CNTN4: variants seen among roughly 807,000 people sequenced by gnomAD.
CNTN4 encodes the protein contactin-4.
A neutral mutation model predicts 122.5 loss-of-function variants in CNTN4; 77 were observed. The observed-to-expected ratio is 0.63, with a 90% CI of 0.52 to 0.76. The LOEUF is 0.76. CNTN4 is among the 30% of genes least tolerant of loss of function. CNTN4 has a pLI of 0.00. For synonymous variants in CNTN4, 512 were observed against 447.0 expected (o/e 1.15, Z -1.83); for missense variants, 1,256 against 1,259.1 (o/e 1.00, Z 0.04).
intron 2 of CNTN4, among the ~76,000 whole-genome samples, chr3:2,220,827 G>A (rs965087577): frequency 3.3e-5 from 5 of 151,900 alleles, no homozygotes; most frequent in African/African-American, 9.7e-5. Flanking sequence ...TTTTTACTCA[G>A]GATACATCTT....
chr3:2,481,796 C>T (rs1331698584), intron 3 of CNTN4, among the ~76,000 whole-genome samples: 1 of 152,058 alleles, frequency 6.6e-6, no homozygotes, highest in Non-Finnish European at 1.5e-5. Context: ...GTTTTATAAG[C>T]AACTGGCATT....
At chr3:2,294,800 T>C (rs946123103) in intron 2 of CNTN4, among the ~76,000 whole-genome samples, 2 of 152,140 alleles carry the variant, frequency 1.3e-5, no homozygotes, top group African/African-American at 4.8e-5. Flanking sequence ...TAGCATTAGG[T>C]ATATCTCCTA....
intron 4 of CNTN4, among the ~76,000 whole-genome samples, chr3:2,688,995 AC>A (rs986469226): frequency 1.3e-5 from 2 of 152,188 alleles, no homozygotes; most frequent in Non-Finnish European, 2.9e-5. Context: ...CTAATGTAGC[AC>A]CAGTCATCCA....
intron 2 of CNTN4, among the ~76,000 whole-genome samples, chr3:2,210,922 G>T (rs1363333194): frequency 6.6e-6 from 1 of 152,166 alleles, no homozygotes; most frequent in Non-Finnish European, 1.5e-5. Context: ...ATTATGTTTA[G>T]CCCATAAAAC....
chr3:2,836,115 G>A (rs1037627845), intron 7 of CNTN4, among the ~76,000 whole-genome samples: 1 of 152,018 alleles, frequency 6.6e-6, no homozygotes, highest in Non-Finnish European at 1.5e-5. Context: ...ACATCCGGAT[G>A]AAATGAATTA....
intron 6 of CNTN4, among the ~76,000 whole-genome samples, chr3:2,818,725 T>C (rs552877772): frequency 5.3e-5 from 8 of 152,338 alleles, no homozygotes; most frequent in African/African-American, 1.9e-4. Context: ...CTGTGATCTT[T>C]GGGTTTATAA....
At chr3:3,007,764 C>T (rs1048786113) in intron 14 of CNTN4, among the ~76,000 whole-genome samples, 2 of 152,118 alleles carry the variant, frequency 1.3e-5, no homozygotes, top group South Asian at 4.1e-4. Context: ...GTAGGGTATG[C>T]AATAGATTCT....
chr3:2,583,452 A>ATTAAGATAC (rs1354108730), intron 4 of CNTN4, among the ~76,000 whole-genome samples: 1 of 152,244 alleles, frequency 6.6e-6, no homozygotes, highest in Non-Finnish European at 1.5e-5. Flanking sequence ...GTCTTCCTGA[A>ATTAAGATAC]TTATACTTGA....
chr3:2,338,569 A>G (rs1010426), intron 2 of CNTN4, among the ~76,000 whole-genome samples: 114,983 of 151,776 alleles, frequency 0.76, 44,027 homozygotes, highest in East Asian at 0.95. Flanking sequence ...ACATAAATAT[A>G]TACCTTTATT....
chr3:2,232,054 G>A (rs1229058454), intron 2 of CNTN4, among the ~76,000 whole-genome samples: 3 of 152,026 alleles, frequency 2.0e-5, no homozygotes, highest in South Asian at 4.1e-4. Context: ...GTGCACACAT[G>A]TACTTTTCTT....
chr3:2,513,062 T>A (rs547124115), intron 3 of CNTN4, among the ~76,000 whole-genome samples: 1 of 152,294 alleles, frequency 6.6e-6, no homozygotes, highest in South Asian at 2.1e-4. Flanking sequence ...TCTGGTAAGA[T>A]GAAGCAAAAG....
chr3:2,537,255 GTC>G (rs2077847955), intron 3 of CNTN4, among the ~76,000 whole-genome samples: 1 of 152,084 alleles, frequency 6.6e-6, no homozygotes, highest in African/African-American at 2.4e-5. Context: ...AATTGTTTGA[GTC>G]ACAGAGGTTC....
rs150393181 is a variant in CNTN4 at position 2,566,201 on chromosome 3, T to A, written c.-88-5215T>A. On this transcript the variant is annotated intron_variant, in intron 3 of 24. Coordinates refer to ENST00000418658, the MANE Select transcript of CNTN4 (RefSeq NM_175607.3). ...AAGGAGTCACCATCAGGATGTTATC[T>A]CACACTTGAAAAGACACAATACTTT... is the stretch of plus-strand genomic sequence containing the variant. Among the ~76,000 whole-genome samples, 1,031 of 152,294 alleles carry A rather than the reference T, an allele frequency of 6.8e-3. 5 individuals are homozygous for A. The highest frequency in any genetic ancestry group is 0.041 in the Middle Eastern group (12 of 294).
intron 3 of CNTN4, among the ~76,000 whole-genome samples, chr3:2,399,066 A>C (rs1283222350): frequency 3.3e-5 from 5 of 152,158 alleles, no homozygotes. Flanking sequence ...GGTCCAACCC[A>C]GTCATTAAAA....
chr3:2,413,300 C>G (rs1440070238), intron 3 of CNTN4, among the ~76,000 whole-genome samples: 1 of 152,176 alleles, frequency 6.6e-6, no homozygotes, highest in East Asian at 1.9e-4. Flanking sequence ...TGTTCTTGAT[C>G]AAATCATTCT....
At chr3:2,754,964 A>G (rs1448209640) in intron 6 of CNTN4, among the ~76,000 whole-genome samples, 1 of 152,100 alleles carries the variant, frequency 6.6e-6, no homozygotes, top group Non-Finnish European at 1.5e-5. Context: ...AGTTCTCTTT[A>G]ACTGGGGCAC....
intron 10 of CNTN4, among the ~76,000 whole-genome samples, chr3:2,893,898 A>G (rs1021020936): frequency 6.6e-6 from 1 of 152,180 alleles, no homozygotes; most frequent in African/African-American, 2.4e-5. Context: ...TTTACCCTGA[A>G]AAATTATTGG....
intron 7 of CNTN4, among the ~76,000 whole-genome samples, chr3:2,824,521 A>G (rs2092946271): frequency 1.3e-5 from 2 of 152,196 alleles, no homozygotes; most frequent in Admixed American, 6.5e-5. Context: ...AGGCAGCACC[A>G]GATTTAAGGT....
chr3:2,970,485 C>G (rs1692791822), intron 13 of CNTN4, among the ~76,000 whole-genome samples: 1 of 151,996 alleles, frequency 6.6e-6, no homozygotes, highest in Admixed American at 6.6e-5. Flanking sequence ...ACTCTGTTGC[C>G]CATGCTAGAG....
Sources: gnomAD v4.1 joint callset for allele counts (sites outside exome capture counted in the v4.1 genomes callset) on GRCh38, gnomAD v4.1.1 for gene constraint, MANE v1.5 for transcripts, NCBI Gene and HGNC (gene_info 2026-07-23, HGNC 2026-07-21) for gene names.